Variants in PHYHIPL observed in about 807,000 individuals in gnomAD.
PHYHIPL encodes the protein phytanoyl-CoA hydroxylase-interacting protein-like.
In PHYHIPL, 9 loss-of-function variants were observed where a neutral mutation model predicts 33.4. That is an observed-to-expected ratio of 0.27 (90% confidence interval 0.16 to 0.47). The LOEUF (loss-of-function observed/expected upper bound fraction) is 0.47, where lower values mean the gene tolerates loss of function less well. Ranked by LOEUF, PHYHIPL falls within the 20% of genes least tolerant of loss-of-function variation. The pLI is 0.99. For missense variants in PHYHIPL, 365 were observed against 460.7 expected (o/e 0.79, Z 1.90); for synonymous variants, 153 against 154.1 (o/e 0.99, Z 0.05).
intron 1 of PHYHIPL, among the ~76,000 whole-genome samples, chr10:59,206,029 A>G (rs1839274284): frequency 6.6e-6 from 1 of 152,194 alleles, no homozygotes; most frequent in Non-Finnish European, 1.5e-5. Context: ...CATTAATTCT[A>G]GTAATTAAAC....
At position 59,197,518 on chromosome 10, in the gene PHYHIPL, T is replaced by C. The variant is rs947789264; in HGVS notation, c.106+20559T>C. On this transcript the variant is annotated intron_variant, in intron 1 of 4. Coordinates refer to ENST00000373880, the MANE Select transcript of PHYHIPL (RefSeq NM_032439.4). ...AGCTCTACTTTTTTTTTCCTACATT[T>C]TGTGAGTTTTCTTTCCAAAATTTCA... Among the ~76,000 whole-genome samples the C allele has an allele frequency of 8.5e-5, 13 of 152,196 alleles. No individual in the cohort carries two copies. In the East Asian group the frequency reaches 2.3e-3, roughly 27 times the overall value.
chr10:59,190,406 G>A (rs1838753014), intron 1 of PHYHIPL, among the ~76,000 whole-genome samples: 1 of 151,732 alleles, frequency 6.6e-6, no homozygotes. Context: ...TCATTTGAGG[G>A]TAAGTGACAG....
At chr10:59,235,124 A>G (rs974626051) in intron 2 of PHYHIPL, among the ~76,000 whole-genome samples, 1 of 151,868 alleles carries the variant, frequency 6.6e-6, no homozygotes, top group African/African-American at 2.4e-5. Context: ...ACTTCAAGGT[A>G]TTTTAAAAAC....
intron 1 of PHYHIPL, among the ~76,000 whole-genome samples, chr10:59,202,876 A>C (rs1379832687): frequency 6.6e-6 from 1 of 152,176 alleles, no homozygotes; most frequent in Non-Finnish European, 1.5e-5. Flanking sequence ...GATTTTTCAA[A>C]CTGTTTTATT....
At chr10:59,240,162 A>G (rs1476865771) in intron 4 of PHYHIPL, among the ~76,000 whole-genome samples, 1 of 152,092 alleles carries the variant, frequency 6.6e-6, no homozygotes, top group Non-Finnish European at 1.5e-5. Flanking sequence ...CAATTGGTAT[A>G]TACCCTAGAG....
chr10:59,185,816 G>T (rs1287460600), intron 1 of PHYHIPL, among the ~76,000 whole-genome samples: 37 of 151,992 alleles, frequency 2.4e-4, no homozygotes, highest in Admixed American at 2.4e-3. Flanking sequence ...GGGGTTGTTT[G>T]TTTTTTTCTT....
At chr10:59,179,448 T>C (rs937888653) in intron 1 of PHYHIPL, among the ~76,000 whole-genome samples, 1 of 152,188 alleles carries the variant, frequency 6.6e-6, no homozygotes, top group Non-Finnish European at 1.5e-5. Flanking sequence ...TTTTGTTTGC[T>C]CTTTTCTCAC....
chr10:59,208,102 C>T (rs1839340995), intron 1 of PHYHIPL, among the ~76,000 whole-genome samples: 2 of 152,262 alleles, frequency 1.3e-5, no homozygotes, highest in South Asian at 4.1e-4. Context: ...TCAAGTGGGT[C>T]CCTGACCCCC....
intron 1 of PHYHIPL, among the ~76,000 whole-genome samples, chr10:59,222,162 AC>A (rs1418459658): frequency 2.0e-5 from 3 of 152,102 alleles, no homozygotes; most frequent in Non-Finnish European, 2.9e-5. Flanking sequence ...TGGATTTCAA[AC>A]AAGCCCAGGA....
chr10:59,199,291 C>A (rs1839023324), intron 1 of PHYHIPL, among the ~76,000 whole-genome samples: 2 of 152,132 alleles, frequency 1.3e-5, no homozygotes, highest in African/African-American at 4.8e-5. Context: ...CCAGTTTTCC[C>A]AGCACCATTT....
At chr10:59,234,002 T>C (rs1284648130) in intron 1 of PHYHIPL, among the ~76,000 whole-genome samples, 1 of 151,758 alleles carries the variant, frequency 6.6e-6, no homozygotes, top group Non-Finnish European at 1.5e-5. Context: ...TGAAATTATC[T>C]GGCTTAAAAC....
chr10:59,225,473 C>T (rs1173120377), intron 1 of PHYHIPL, among the ~76,000 whole-genome samples: 3 of 151,978 alleles, frequency 2.0e-5, no homozygotes, highest in Non-Finnish European at 4.4e-5. Flanking sequence ...AGCTTTATCT[C>T]CTGATGGTAA....
intron 1 of PHYHIPL, among the ~76,000 whole-genome samples, chr10:59,185,388 A>G (rs1838564230): frequency 6.6e-6 from 1 of 152,126 alleles, no homozygotes; most frequent in South Asian, 2.1e-4. Flanking sequence ...GGTTGGTTCC[A>G]AGTCTTTGCT....
chr10:59,173,927 T>TG (rs1838207896), upstream of PHYHIPL, among the ~76,000 whole-genome samples: 2 of 85,818 alleles, frequency 2.3e-5, no homozygotes, highest in Non-Finnish European at 4.2e-5. Context: ...TGAGGTTTTT[T>TG]TTTTTTTTTT....
At chr10:59,228,743 T>TTTAAAACCTTAAAAC (rs1839996550) in intron 1 of PHYHIPL, among the ~76,000 whole-genome samples, 1 of 152,142 alleles carries the variant, frequency 6.6e-6, no homozygotes, top group Non-Finnish European at 1.5e-5. Flanking sequence ...GAGGTGAACC[T>TTTAAAACCTTAAAAC]AAAACCTACA....
intron 4 of PHYHIPL, among the ~76,000 whole-genome samples, chr10:59,244,676 A>G (rs1040540986): frequency 1.3e-5 from 2 of 152,046 alleles, no homozygotes; most frequent in East Asian, 1.9e-4. Context: ...GAAACATTCA[A>G]TATATTTAAC....
Position 59,197,590 on chromosome 10 carries a change from C to T in PHYHIPL, c.106+20631C>T, listed in dbSNP as rs963863535. Among the ~76,000 whole-genome samples the T allele has an allele frequency of 3.9e-5, 6 of 152,016 alleles. 1 individual carries two copies. Among genetic ancestry groups the T allele is most frequent in the Non-Finnish European group, 8.8e-5 (6 of 68,008 alleles). On this transcript the variant is annotated intron_variant, in intron 1 of 4. Transcript: ENST00000373880. The stretch of plus-strand genomic sequence containing the variant: ...TTTCCATGTATAATGCATGTCTGTA[C>T]CTTTGTGCCAGGGCCAGCATTCCCT...
intron 1 of PHYHIPL, among the ~76,000 whole-genome samples, chr10:59,205,371 C>T (rs942758889): frequency 6.6e-6 from 1 of 152,122 alleles, no homozygotes; most frequent in African/African-American, 2.4e-5. Context: ...TTTTCCACAG[C>T]ATTTTCTCTT....
In PHYHIPL at chr10:59,183,678, A is replaced by G. The variant is rs2436579; in HGVS notation, c.106+6719A>G. 9.1e-6 allele frequency: 9 copies of G among 984,902 alleles called. No individual in the cohort carries two copies. In the East Asian group the frequency reaches 1.0e-3, roughly 112 times the overall value. 61.0% of individuals were successfully genotyped at this position (984,902 alleles called of 1,614,324 possible). A position where few individuals can be genotyped will look rare whatever the true frequency, so the allele number is the denominator to read the frequency against. On this transcript the variant is annotated intron_variant, in intron 1 of 4. Transcript: ENST00000373880. ...ATTTTGAAGATGCTCAACAGATGTGAGTTGAACCAAGAACGTCATACTTGG... is the reference window on the plus strand; with the variant it reads ...ATTTTGAAGATGCTCAACAGATGTGGGTTGAACCAAGAACGTCATACTTGG...
Sources: allele counts gnomAD v4.1 joint callset (sites outside exome capture counted in the v4.1 genomes callset), GRCh38; gene constraint gnomAD v4.1.1; transcripts MANE v1.5; gene names NCBI Gene and HGNC (gene_info 2026-07-23, HGNC 2026-07-21).